CDH23: variants seen among roughly 807,000 people sequenced by gnomAD.
CDH23 encodes cadherin-23.
A neutral mutation model predicts 317.1 loss-of-function variants in CDH23; 189 were observed. That is an observed-to-expected ratio of 0.60 (90% CI 0.53 to 0.67). The LOEUF is 0.67. CDH23 is among the 30% of genes least tolerant of loss of function. The probability of loss-of-function intolerance (pLI) is 0.00; values close to 1 mark genes in which losing one functional copy is unlikely to be tolerated. For synonymous variants in CDH23, 1,839 were observed against 1,876.8 expected, an observed-to-expected ratio of 0.98 and a Z score of 0.52; for missense variants, 4,401 against 4,592.4, an observed-to-expected ratio of 0.96 and a Z score of 1.20.
At position 71,761,068 on chromosome 10, in the gene CDH23, C is replaced by T. The variant is rs149127816; in HGVS notation, c.4846-16612C>T. 4.0e-4 allele frequency: 304 copies of T among 765,370 alleles called. 6 individuals carry two copies. The East Asian group carries it at 7.7e-3, about 19-fold the overall frequency. The allele number at this position is 765,370 out of a possible 1,614,324, so 47.4% of individuals were successfully genotyped here. ...TGTTGGCCCAGTGGCAGCCTGCACA[C>T]GTGTGCACCCACACACACCCTGGCA... is the stretch of plus-strand genomic sequence containing the variant. On this transcript the variant is annotated intron_variant, in intron 38 of 69. Coordinates refer to ENST00000224721, the MANE Select transcript of CDH23 (RefSeq NM_022124.6).
At chr10:71,466,390 G>A (rs1851255728) in intron 3 of CDH23, among the ~76,000 whole-genome samples, 1 of 152,094 alleles carries the variant, frequency 6.6e-6, no homozygotes. Flanking sequence ...GCCCGTGTGT[G>A]ATAGTAAGAA....
chr10:71,785,708 C>T lies in CDH23; in HGVS notation c.5790C>T (p.Asp1930=), dbSNP rs572668890. ...ACAAGCTGACCATTTCTGTGAAGGA[C>T]AACCCGGAGAATCCACGCATAGCCA... is the stretch of plus-strand genomic sequence containing the variant. ...PEYKLTISVK[D]NPENPRIARR... Residue 1930 remains aspartate, a synonymous_variant, in exon 44 of 70, where the codon GAC becomes GAT. Transcript: ENST00000224721. 49 of 1,607,928 alleles carry T rather than the reference C, an allele frequency of 3.0e-5. No individual in the cohort carries two copies. Among genetic ancestry groups the T allele is most frequent in the Middle Eastern group, 1.7e-4 (1 of 6,056 alleles).
intron 1 of CDH23, among the ~76,000 whole-genome samples, chr10:71,429,823 G>A (rs1053996883): frequency 2.6e-5 from 4 of 152,196 alleles, no homozygotes; most frequent in African/African-American, 9.7e-5. Flanking sequence ...ATGGCTGTAT[G>A]AGATGAAGTA....
At chr10:71,667,359 A>AGAGAGAGT (rs58361666) in intron 14 of CDH23, among the ~76,000 whole-genome samples, 124 of 112,102 alleles carry the variant, frequency 1.1e-3, no homozygotes, top group African/African-American at 3.5e-3. Context: ...AGAGAGAGAG[A>AGAGAGAGT]GTGTGTGTGT....
chr10:71,547,800 T>C (rs2394828), intron 6 of CDH23, among the ~76,000 whole-genome samples: 3,978 of 152,324 alleles, frequency 0.026, 199 homozygotes, highest in Admixed American at 0.13. Flanking sequence ...TTAGGCGTGC[T>C]GAATCTATGC....
intron 2 of CDH23, among the ~76,000 whole-genome samples, chr10:71,443,405 CT>C (rs960716551): frequency 6.6e-6 from 1 of 152,244 alleles, no homozygotes; most frequent in African/African-American, 2.4e-5. Flanking sequence ...CACCCAGCCT[CT>C]GTTTACCCCT....
intron 3 of CDH23, among the ~76,000 whole-genome samples, chr10:71,489,878 C>T (rs1424827354): frequency 5.9e-5 from 9 of 152,152 alleles, no homozygotes; most frequent in Admixed American, 3.3e-4. Flanking sequence ...TTAAGAGTCA[C>T]GTTCCCCTCT....
At chr10:71,577,143 C>G (rs1858267063) in intron 8 of CDH23, among the ~76,000 whole-genome samples, 1 of 152,188 alleles carries the variant, frequency 6.6e-6, no homozygotes, top group African/African-American at 2.4e-5. Context: ...TGTATTCGCA[C>G]TCCTAATATG....
chr10:71,759,934 T>TAC lies in CDH23; in HGVS notation c.4846-17745_4846-17744insCA, dbSNP rs1283678300. Among the ~76,000 whole-genome samples the TAC allele has an allele frequency of 1.6e-4, 10 of 61,412 alleles. 1 individual carries two copies. The highest frequency in any genetic ancestry group is 1.0e-3 in the South Asian group (2 of 1,974). 40.3% of individuals were successfully genotyped at this position (61,412 alleles called of 152,430 possible). A position where few individuals can be genotyped will look rare whatever the true frequency, so the allele number is the denominator to read the frequency against. On this transcript the variant is annotated intron_variant, in intron 38 of 69. Coordinates refer to ENST00000224721, the MANE Select transcript of CDH23 (RefSeq NM_022124.6). ...ACACACATATATACACACACACATA[T>TAC]ATACACACACACATATATATACACA...
At chr10:71,684,713 A>C (rs1425424608) in intron 18 of CDH23, among the ~76,000 whole-genome samples, 3 of 152,210 alleles carry the variant, frequency 2.0e-5, no homozygotes, top group Non-Finnish European at 4.4e-5. Context: ...CCCATGCCCC[A>C]GCCTGTCGCT....
chr10:71,716,136 G>T (rs760403862), intron 28 of CDH23: 1 of 1,550,188 alleles, frequency 6.5e-7, no homozygotes, highest in Admixed American at 2.0e-5. Context: ...GCCCTGCGGC[G>T]GCTCGGGTCC....
At chr10:71,474,222 C>T (rs929120996) in intron 3 of CDH23, among the ~76,000 whole-genome samples, 18 of 152,196 alleles carry the variant, frequency 1.2e-4, no homozygotes, top group African/African-American at 3.9e-4. Context: ...CCAGGGAGCC[C>T]TCAGGGTGGG....
intron 1 of CDH23, among the ~76,000 whole-genome samples, chr10:71,424,909 C>A (rs989012932): frequency 9.2e-5 from 14 of 152,170 alleles, no homozygotes; most frequent in African/African-American, 2.7e-4. Context: ...TCCTCAGTCC[C>A]CGCATGCCCA....
Position 71,785,093 on chromosome 10 carries a change from A to G in CDH23, c.5705A>G (p.Asn1902Ser). The G allele has an allele frequency of 6.2e-7, 1 of 1,613,726 alleles. No homozygotes were observed. The highest frequency in any genetic ancestry group is 8.5e-7 in the Non-Finnish European group (1 of 1,179,626). ...AACCGCGAGCGGGCCTTCTTCATCA[A>G]TGCCACGGTAGGGCCTAGACTGACC... ...AGNRERAFFI[N>S]ATTGIVTVNR... is the part of the protein sequence containing the mutation. Residue 1902 changes from asparagine (N) to serine (S), a missense_variant, in exon 43 of 70, where the codon AAT becomes AGT. By Grantham distance (46) the Asn-to-Ser change is conservative. This residue lies in a region of CDH23 where 3,068 missense variants were observed against 3,203.3 expected (regional missense o/e 0.96). Coordinates refer to ENST00000224721, the MANE Select transcript of CDH23 (RefSeq NM_022124.6).
chr10:71,508,817 T>C (rs1008554297), intron 3 of CDH23, among the ~76,000 whole-genome samples: 1 of 152,226 alleles, frequency 6.6e-6, no homozygotes, highest in African/African-American at 2.4e-5. Context: ...TGACGCGCTG[T>C]ACACTTATCA....
At chr10:71,454,900 C>T (rs941750463) in intron 3 of CDH23, among the ~76,000 whole-genome samples, 1 of 148,458 alleles carries the variant, frequency 6.7e-6, no homozygotes, top group Admixed American at 6.8e-5. Context: ...AGTGCAGTGG[C>T]GCAATCATGG....
intron 15 of CDH23, among the ~76,000 whole-genome samples, chr10:71,675,688 G>A (rs2132665538): frequency 6.6e-6 from 1 of 152,290 alleles, no homozygotes; most frequent in South Asian, 2.1e-4. Flanking sequence ...AAGTGCCGTG[G>A]TCAGGCTTCT....
intron 21 of CDH23, among the ~76,000 whole-genome samples, chr10:71,694,859 A>C (rs943739517): frequency 1.3e-5 from 2 of 152,150 alleles, no homozygotes; most frequent in African/African-American, 4.8e-5. Context: ...GCTCACCCTC[A>C]AAACTGTGGC....
At position 71,548,546 on chromosome 10, in the gene CDH23, G is replaced by A. The variant is rs368136489; in HGVS notation, c.430-18196G>A. 3.9e-5 allele frequency among the ~76,000 whole-genome samples: 6 copies of A among 152,190 alleles called. No homozygotes were observed. In the East Asian group the frequency reaches 9.6e-4, roughly 24 times the overall value. On this transcript the variant is annotated intron_variant, in intron 6 of 69. Coordinates refer to ENST00000224721, the MANE Select transcript of CDH23 (RefSeq NM_022124.6). ...GTAGAGCCCCAACTTGGGGAACCAG[G>A]AGGAAAACACAGTCCCATGTGCATG... is the stretch of plus-strand genomic sequence containing the variant.
Sources: gnomAD v4.1 joint callset for allele counts (sites outside exome capture counted in the v4.1 genomes callset) on GRCh38, gnomAD v4.1.1 for gene constraint, gnomAD v4.1.1 regional missense constraint, MANE v1.5 for transcripts, NCBI Gene and HGNC (gene_info 2026-07-23, HGNC 2026-07-21) for gene names.